The following FBXO25 variants were observed in gnomAD, a reference collection of about 807,000 sequenced individuals.
FBXO25 encodes F-box protein 25, also known as F-box only protein 25.
A neutral mutation model predicts 51.9 loss-of-function variants in FBXO25; 45 were observed. The observed-to-expected ratio is 0.87, with a 90% confidence interval of 0.68 to 1.11. FBXO25 has a LOEUF of 1.11. Ranked by LOEUF, FBXO25 falls within the 50% of genes most tolerant of loss-of-function variation. FBXO25 has a pLI of 0.00. For missense variants in FBXO25, 507 were observed against 428.5 expected, an observed-to-expected ratio of 1.18 and a Z score of -1.62; for synonymous variants, 199 against 151.0, an observed-to-expected ratio of 1.32 and a Z score of -2.33.
chr8:428,977 T>C (rs1400877238), intron 2 of FBXO25, among the ~76,000 whole-genome samples: 1 of 152,232 alleles, frequency 6.6e-6, no homozygotes, highest in Non-Finnish European at 1.5e-5. Flanking sequence ...TGTTTATCTG[T>C]TGCAAGTAAT....
In FBXO25 at chr8:474,882, A is replaced by T; in HGVS notation, c.*6078A>T. ...GTGCCTCTGGTGTCATATCTAAGAA[A>T]TCACTGCCTCACCCTTTTCAGATAT... On this transcript the variant is annotated 3_prime_UTR_variant, in exon 10 of 10. Coordinates refer to ENST00000350302, the MANE Select transcript of FBXO25 (RefSeq NM_183420.2). 2.2e-6 allele frequency: 1 copy of T among 454,528 alleles called. No individual in the cohort carries two copies. Among genetic ancestry groups the T allele is most frequent in the South Asian group, 1.6e-5 (1 of 64,488 alleles). 28.2% of individuals were successfully genotyped at this position (454,528 alleles called of 1,614,324 possible). A position where few individuals can be genotyped will look rare whatever the true frequency, so the allele number is the denominator to read the frequency against.
At chr8:428,769 A>C (rs1286339259) in intron 2 of FBXO25, among the ~76,000 whole-genome samples, 4 of 152,186 alleles carry the variant, frequency 2.6e-5, no homozygotes, top group Non-Finnish European at 5.9e-5. Context: ...TTTTCTGAGT[A>C]CCTCATATAA....
intron 2 of FBXO25, among the ~76,000 whole-genome samples, chr8:424,747 C>G (rs1404669561): frequency 2.0e-5 from 3 of 152,106 alleles, no homozygotes; most frequent in African/African-American, 7.2e-5. Context: ...AGTACAGAAG[C>G]TGTTTTGGTT....
At chr8:431,917 T>G (rs544054223) in intron 3 of FBXO25, among the ~76,000 whole-genome samples, 1 of 152,308 alleles carries the variant, frequency 6.6e-6, no homozygotes, top group African/African-American at 2.4e-5. Context: ...CACATGTTAA[T>G]GTATAGTAGG....
chr8:427,879 A>T (rs1473814107), intron 2 of FBXO25, among the ~76,000 whole-genome samples: 2 of 151,772 alleles, frequency 1.3e-5, no homozygotes, highest in Admixed American at 6.6e-5. Context: ...CTTGTGTGGA[A>T]ATGATTTGAA....
chr8:415,966 C>G (rs1796774561), intron 2 of FBXO25, among the ~76,000 whole-genome samples: 2 of 152,162 alleles, frequency 1.3e-5, no homozygotes. Flanking sequence ...AGAAGTTGTT[C>G]CTTGTCTTTT....
intron 5 of FBXO25, among the ~76,000 whole-genome samples, chr8:438,499 C>A (rs768630239): frequency 6.6e-6 from 1 of 152,148 alleles, no homozygotes; most frequent in Non-Finnish European, 1.5e-5. Flanking sequence ...CAGATTCTTC[C>A]AGTTGCCAAA....
chr8:407,585 C>T (rs904983202), intron 1 of FBXO25, among the ~76,000 whole-genome samples: 1 of 152,080 alleles, frequency 6.6e-6, no homozygotes, highest in Non-Finnish European at 1.5e-5. Context: ...CTTGCAGGCC[C>T]GAGCTTGTGT....
At chr8:422,715 C>T (rs1438372794) in intron 2 of FBXO25, among the ~76,000 whole-genome samples, 1 of 152,174 alleles carries the variant, frequency 6.6e-6, no homozygotes, top group Non-Finnish European at 1.5e-5. Flanking sequence ...AAGCCAGAGG[C>T]ATCACGTAGT....
chr8:456,770 G>T (rs1296829278), intron 7 of FBXO25, among the ~76,000 whole-genome samples: 1 of 152,182 alleles, frequency 6.6e-6, no homozygotes, highest in East Asian at 1.9e-4. Flanking sequence ...GTGCATCACT[G>T]GCGGTCCATG....
rs1396211443 is a variant in FBXO25, at chr8:472,311, A to C, written c.*3507A>C. 1 of 152,212 alleles carries C rather than the reference A, an allele frequency of 6.6e-6. No individual in the cohort carries two copies. Among genetic ancestry groups the C allele is most frequent in the African/African-American group, 2.4e-5 (1 of 41,460 alleles). The allele number at this position is 152,212 out of a possible 1,614,324, so 9.4% of individuals were successfully genotyped here. A position where few individuals can be genotyped will look rare whatever the true frequency, so the allele number is the denominator to read the frequency against. Reference sequence around the variant, plus strand: ...ATGCTTTTTCTGCATCTCTTAAGATAATGTAGTTTTTGGCCTTCATAAGAT... The same window carrying C: ...ATGCTTTTTCTGCATCTCTTAAGATCATGTAGTTTTTGGCCTTCATAAGAT... On this transcript the variant is annotated 3_prime_UTR_variant, in exon 10 of 10. Coordinates refer to ENST00000350302, the MANE Select transcript of FBXO25 (RefSeq NM_183420.2).
intron 2 of FBXO25, among the ~76,000 whole-genome samples, chr8:424,622 T>G (rs1382002803): frequency 6.6e-6 from 1 of 152,212 alleles, no homozygotes; most frequent in Admixed American, 6.5e-5. Flanking sequence ...AATAGGATGG[T>G]CTTTTTCCAC....
rs1800291941 is a variant in FBXO25 at position 467,952 on chromosome 8, A to C, written c.988-763A>C. ...GAGTGTTGATGAAATATTTTGCAGA[A>C]CAACACCTGAGTGCTGAGGGAGGCT... On this transcript the variant is annotated intron_variant, in intron 9 of 9. Coordinates refer to ENST00000350302, the MANE Select transcript of FBXO25 (RefSeq NM_183420.2). 6 of 1,411,822 alleles carry C rather than the reference A, an allele frequency of 4.2e-6. No homozygotes were observed. The South Asian group carries it at 5.9e-5, about 14-fold the overall frequency. 87.5% of individuals were successfully genotyped at this position (1,411,822 alleles called of 1,614,324 possible). A position where few individuals can be genotyped will look rare whatever the true frequency, so the allele number is the denominator to read the frequency against.
At chr8:450,279 T>G (rs759288133) in intron 6 of FBXO25, among the ~76,000 whole-genome samples, 196 bp downstream of exon 6, 1 of 152,222 alleles carries the variant, frequency 6.6e-6, no homozygotes, top group Non-Finnish European at 1.5e-5. Context: ...TTTTTAAAGT[T>G]GCTTTTGCAT....
chr8:436,952 C>A (rs1798140804), intron 5 of FBXO25, among the ~76,000 whole-genome samples: 1 of 152,156 alleles, frequency 6.6e-6, no homozygotes, highest in Non-Finnish European at 1.5e-5. Context: ...GCTGTCTCAT[C>A]TTTGGTCACT....
At chr8:424,127 T>C (rs983884489) in intron 2 of FBXO25, among the ~76,000 whole-genome samples, 1 of 151,592 alleles carries the variant, frequency 6.6e-6, no homozygotes, top group Non-Finnish European at 1.5e-5. Flanking sequence ...CATTTTTTTT[T>C]TTTTTTTTTG....
At chr8:424,180 G>A (rs1218272984) in intron 2 of FBXO25, among the ~76,000 whole-genome samples, 5 of 149,348 alleles carry the variant, frequency 3.3e-5, no homozygotes, top group Admixed American at 2.0e-4. Flanking sequence ...GTGCAGTGGC[G>A]CAATTTCCGC....
In FBXO25 at chr8:440,378, T is replaced by C. The variant is rs1204377304; in HGVS notation, c.381+4671T>C. 2.0e-5 allele frequency among the ~76,000 whole-genome samples: 3 copies of C among 152,348 alleles called. No homozygotes were observed. In the East Asian group the frequency reaches 5.8e-4, roughly 29 times the overall value. ...GGGATGACAGCTGCATGGAGATCCA[T>C]TTATGACCCAAGAGGTAAAGACAAG... On this transcript the variant is annotated intron_variant, in intron 5 of 9. Transcript: ENST00000350302.
chr8:451,664 C>G (rs1209065783), intron 7 of FBXO25, among the ~76,000 whole-genome samples: 1 of 152,210 alleles, frequency 6.6e-6, no homozygotes, highest in African/African-American at 2.4e-5. Flanking sequence ...TAGCAATCAT[C>G]AAACCAGGCT....
Sources: gnomAD v4.1 joint callset for allele counts (sites outside exome capture counted in the v4.1 genomes callset) on GRCh38, gnomAD v4.1.1 for gene constraint, MANE v1.5 for transcripts, NCBI Gene and HGNC (gene_info 2026-07-23, HGNC 2026-07-21) for gene names.